ENTPD3: variants seen among roughly 807,000 people sequenced by gnomAD.
ENTPD3 encodes the protein CD39 antigen-like 3.
ENTPD3 carries 60 observed loss-of-function variants against 51.2 expected under a neutral mutation model. That is an observed-to-expected ratio of 1.17 (90% CI 0.95 to 1.45). ENTPD3 has a LOEUF of 1.45. Among genes scored for constraint, ENTPD3 ranks in the 40% most tolerant of loss-of-function variants. The pLI, the probability that ENTPD3 is intolerant of heterozygous loss-of-function variation, is 0.00. For synonymous variants in ENTPD3, 221 were observed against 238.4 expected (o/e 0.93, Z 0.67); for missense variants, 593 against 641.1 (o/e 0.93, Z 0.81).
chr3:40,424,863 G>A, intron 10 of ENTPD3: 1 of 689,410 alleles, frequency 1.5e-6, no homozygotes, highest in Non-Finnish European at 2.7e-6. Context: ...TCCTGCATTA[G>A]GCCTCTGACT....
chr3:40,400,859 G>A (rs772691990), intron 3 of ENTPD3, 35 bp from the exon 4 acceptor site: 45 of 1,549,522 alleles, frequency 2.9e-5, no homozygotes, highest in South Asian at 7.9e-5. Context: ...GAGGAGTCCC[G>A]CCCATTCTGA....
chr3:40,422,116 C>T (rs1002376529), intron 7 of ENTPD3, among the ~76,000 whole-genome samples: 2 of 146,738 alleles, frequency 1.4e-5, no homozygotes, highest in African/African-American at 5.1e-5. Context: ...TAGCGCTATG[C>T]CTGGTACGAG....
At chr3:40,409,160 G>A (rs569222588) in intron 4 of ENTPD3, among the ~76,000 whole-genome samples, 306 of 152,046 alleles carry the variant, frequency 2.0e-3, no homozygotes, top group Non-Finnish European at 3.9e-3. Flanking sequence ...GCTGAGGCAG[G>A]AGAATCACTT....
rs934931992 is a variant in ENTPD3, at chr3:40,425,920, TA to T, written c.1354-1344del. 3.2e-4 allele frequency among the ~76,000 whole-genome samples: 48 copies of T among 149,370 alleles called. No homozygotes were observed. In the Middle Eastern group the frequency reaches 0.01, roughly 32 times the overall value. ...CTCAAAAAAAAAAAAAAAATTATAT[TA>T]AAAAAAACAGAAAACGAACACTAAA... On this transcript the variant is annotated intron_variant, in intron 10 of 10. Transcript: ENST00000301825.
chr3:40,392,229 T>C (rs528078840), intron 3 of ENTPD3, 79 bp downstream of exon 3: 2 of 1,539,460 alleles, frequency 1.3e-6, no homozygotes, highest in East Asian at 4.5e-5. Flanking sequence ...AACCATGAGT[T>C]AGAAGAGCAG....
rs765543811 is a variant in ENTPD3 at position 40,411,958 on chromosome 3, CT to C, written c.434del (p.Leu145ArgfsTer49). Reference protein sequence around the residue: ...HLGATAGMRLLRLQNETAANE... With the variant: ...HLGATAGMRLXRLQNETAANE... ...GGGAGCCACGGCTGGGATGCGCTTG[CT>C]GAGGTAAAGGCTAAGTGGCACAAAG... On this transcript the variant is annotated frameshift_variant, in exon 5 of 11. Coordinates refer to ENST00000301825, the MANE Select transcript of ENTPD3 (RefSeq NM_001248.4). LOFTEE classifies it high-confidence loss of function. The C allele has an allele frequency of 1.1e-5, 17 of 1,610,050 alleles. No homozygotes were observed. In the Admixed American group the frequency reaches 2.9e-4, roughly 27 times the overall value.
Position 40,392,109 on chromosome 3 carries a change from A to T in ENTPD3, c.127A>T (p.Ile43Phe). The stretch of plus-strand genomic sequence containing the variant: ...TGTGGTACTTGTGAGTATCACTGTC[A>T]TCCAGATCCACAAGCAAGAGGTCCT... ...SIVVLVSITV[I>F]QIHKQEVLPP... Residue 43 changes from isoleucine to phenylalanine, a missense_variant, in exon 3 of 11, where the codon ATC becomes TTC. Physicochemically the swap from Ile to Phe is conservative, Grantham distance 21. Transcript: ENST00000301825. 1 of 1,614,186 alleles carries T rather than the reference A, an allele frequency of 6.2e-7. No individual in the cohort carries two copies. The highest frequency in any genetic ancestry group is 8.5e-7 in the Non-Finnish European group (1 of 1,180,020).
In ENTPD3 at chr3:40,423,274, G is replaced by T. The variant is rs1955917397; in HGVS notation, c.1105-17G>T. 1 of 1,601,594 alleles carries T rather than the reference G, an allele frequency of 6.2e-7. No individual in the cohort carries two copies. Among genetic ancestry groups the T allele is most frequent in the African/African-American group, 1.3e-5 (1 of 74,520 alleles). On this transcript the variant is annotated splice_polypyrimidine_tract_variant and intron_variant, in intron 8 of 10. Coordinates refer to ENST00000301825, the MANE Select transcript of ENTPD3 (RefSeq NM_001248.4). Reference sequence around the variant, plus strand: ...CCATTCTGAGAACTAATTTTCTTCTGTATTACTTATTTCCAGGCTTTTGCA... The same window carrying T: ...CCATTCTGAGAACTAATTTTCTTCTTTATTACTTATTTCCAGGCTTTTGCA...
chr3:40,426,327 T>C (rs534327876), intron 10 of ENTPD3, among the ~76,000 whole-genome samples: 1 of 152,078 alleles, frequency 6.6e-6, no homozygotes, highest in South Asian at 2.1e-4. Context: ...AGGCTGGTCT[T>C]GAACTCCTGA....
chr3:40,413,327 A>G (rs1306996513), intron 5 of ENTPD3, among the ~76,000 whole-genome samples: 2 of 152,172 alleles, frequency 1.3e-5, no homozygotes, highest in East Asian at 1.9e-4. Flanking sequence ...ACTTCAGGTA[A>G]TAAGTTTCAG....
In ENTPD3 at chr3:40,423,180, T is replaced by G. The variant is rs558522791; in HGVS notation, c.1104+58T>G. Reference sequence around the variant, plus strand: ...CCCATTGAATATTCATTTCTCACTTTTCTGTTTCTCCTCTGCTGACTTGTT... The same window carrying G: ...CCCATTGAATATTCATTTCTCACTTGTCTGTTTCTCCTCTGCTGACTTGTT... On this transcript the variant is annotated intron_variant, in intron 8 of 10. Coordinates refer to ENST00000301825, the MANE Select transcript of ENTPD3 (RefSeq NM_001248.4). The G allele has an allele frequency of 2.6e-5, 41 of 1,581,272 alleles. No individual in the cohort carries two copies. In the South Asian group the frequency reaches 4.6e-4, roughly 18 times the overall value.
At chr3:40,414,922 C>T (rs1007840216) in intron 6 of ENTPD3, 82 bp downstream of exon 6, 66 of 1,410,012 alleles carry the variant, frequency 4.7e-5, no homozygotes, top group Non-Finnish European at 5.9e-5. Context: ...GAGGTACATG[C>T]CATCAGGGAT....
At chr3:40,425,789 T>G (rs1335181965) in intron 10 of ENTPD3, among the ~76,000 whole-genome samples, 1 of 150,826 alleles carries the variant, frequency 6.6e-6, no homozygotes, top group Non-Finnish European at 1.5e-5. Flanking sequence ...TCCCAGCCAC[T>G]CAGGAGGCTG....
At chr3:40,418,045 A>G (rs1202822389) in intron 7 of ENTPD3, among the ~76,000 whole-genome samples, 3 of 152,224 alleles carry the variant, frequency 2.0e-5, no homozygotes, top group African/African-American at 7.2e-5. Flanking sequence ...GTCCACAGAG[A>G]AGAAGTAAAT....
chr3:40,400,806 GGTA>G, intron 3 of ENTPD3, 85 bp from the exon 4 acceptor site: 2 of 910,892 alleles, frequency 2.2e-6, no homozygotes, highest in Non-Finnish European at 3.5e-6. Flanking sequence ...TGTGGATTAA[GGTA>G]CTCAGGGTTC....
At position 40,406,927 on chromosome 3, in the gene ENTPD3, G is replaced by A. The variant is rs114477526; in HGVS notation, c.287-4885G>A. On this transcript the variant is annotated intron_variant, in intron 4 of 10. Coordinates refer to ENST00000301825, the MANE Select transcript of ENTPD3 (RefSeq NM_001248.4). The stretch of plus-strand genomic sequence containing the variant: ...CCAAGGTTAAGAAACCTTGGTTTAC[G>A]ATGGTTCTGGGGAAGGGGGTGAGAA... 6.3e-3 allele frequency among the ~76,000 whole-genome samples: 963 copies of A among 152,280 alleles called. 4 individuals are homozygous for A. The highest frequency in any genetic ancestry group is 0.022 in the African/African-American group (909 of 41,558).
At chr3:40,398,983 A>C (rs1465615537) in intron 3 of ENTPD3, among the ~76,000 whole-genome samples, 1 of 152,126 alleles carries the variant, frequency 6.6e-6, no homozygotes, top group East Asian at 1.9e-4. Context: ...GCATTTTGGG[A>C]GGCGGAGGTG....
intron 2 of ENTPD3, among the ~76,000 whole-genome samples, chr3:40,388,600 A>ACACACG (rs1954993801): frequency 1.4e-5 from 2 of 148,136 alleles, no homozygotes; most frequent in Admixed American, 6.7e-5. Flanking sequence ...ACACACACAC[A>ACACACG]CACACACACA....
chr3:40,403,202 A>G (rs1254868723), intron 4 of ENTPD3, among the ~76,000 whole-genome samples: 3 of 152,156 alleles, frequency 2.0e-5, no homozygotes, highest in Non-Finnish European at 2.9e-5. Context: ...AATTCTGATC[A>G]TCTGCCCTCC....
Sources: allele counts gnomAD v4.1 joint callset (sites outside exome capture counted in the v4.1 genomes callset), GRCh38; gene constraint gnomAD v4.1.1; transcripts MANE v1.5; gene names NCBI Gene and HGNC (gene_info 2026-07-23, HGNC 2026-07-21).